Variants in ADSL observed in about 807,000 individuals in gnomAD.
ADSL encodes the protein adenylosuccinase.
In ADSL, 44 loss-of-function variants were observed where a neutral mutation model predicts 62.1. The observed-to-expected ratio is 0.71, with a 90% CI of 0.56 to 0.91. The LOEUF (loss-of-function observed/expected upper bound fraction) is 0.91, where lower values mean the gene tolerates loss of function less well. Among genes scored for constraint, ADSL ranks in the 40% least tolerant of loss-of-function variants. ADSL has a pLI of 0.00. For missense variants in ADSL, 531 were observed against 627.4 expected, an observed-to-expected ratio of 0.85 and a Z score of 1.64; for synonymous variants, 198 against 220.5, an observed-to-expected ratio of 0.90 and a Z score of 0.90.
chr22:40,347,566 A>T (rs182606086), intron 1 of ADSL, among the ~76,000 whole-genome samples: 3 of 152,314 alleles, frequency 2.0e-5, no homozygotes, highest in Admixed American at 2.0e-4. Context: ...CATGGAAACA[A>T]TTTGACTTCG....
chr22:40,373,165 C>T (rs1463728881), downstream of ADSL, among the ~76,000 whole-genome samples: 1 of 152,200 alleles, frequency 6.6e-6, no homozygotes, highest in Non-Finnish European at 1.5e-5. Context: ...TCACAGGTCA[C>T]TGTAAGTGAC....
rs963240005 is a variant in ADSL at position 40,362,741 on chromosome 22, T to G, written c.1011-240T>G. On this transcript the variant is annotated intron_variant, in intron 9 of 12. Coordinates refer to ENST00000623063, the MANE Select transcript of ADSL (RefSeq NM_000026.4). ...AAGTGGCTGAGTTCAGTTTGGGGAT[T>G]GAGGTACCCATAGATCAACCAGGTG... Among the ~76,000 whole-genome samples the G allele has an allele frequency of 5.3e-5, 8 of 152,222 alleles. No individual in the cohort carries two copies. The South Asian group carries it at 8.3e-4, about 16-fold the overall frequency.
chr22:40,359,044 A>C lies in ADSL; in HGVS notation c.654+9A>C. The C allele has an allele frequency of 6.2e-7, 1 of 1,614,032 alleles. No individual in the cohort carries two copies. Among genetic ancestry groups the C allele is most frequent in the Non-Finnish European group, 8.5e-7 (1 of 1,179,972 alleles). Reference sequence around the variant, plus strand: ...AGGGAGATGACCATAAGGTATTCTGAAAGTGACCTGCAGGACACAGAAACT... The same window carrying C: ...AGGGAGATGACCATAAGGTATTCTGCAAGTGACCTGCAGGACACAGAAACT... On this transcript the variant is annotated intron_variant, in intron 5 of 12. Transcript: ENST00000623063.
In ADSL at chr22:40,368,832, G is replaced by C. The variant is rs1036299061; in HGVS notation, c.*2310G>C. 5 of 152,250 alleles carry C rather than the reference G, an allele frequency of 3.3e-5. No homozygotes were observed. The highest frequency in any genetic ancestry group is 1.2e-4 in the African/African-American group (5 of 41,446). The allele number at this position is 152,250 out of a possible 1,614,324, so 9.4% of individuals were successfully genotyped here. ...CCAGCTACTTGGGAGGCTGAGACAGGAGAATTGCTTGAACCTGGGAGGCAG... is the reference window on the plus strand; with the variant it reads ...CCAGCTACTTGGGAGGCTGAGACAGCAGAATTGCTTGAACCTGGGAGGCAG... On this transcript the variant is annotated 3_prime_UTR_variant, in exon 13 of 13. Coordinates refer to ENST00000623063, the MANE Select transcript of ADSL (RefSeq NM_000026.4).
chr22:40,358,906 G>T lies in ADSL; in HGVS notation c.525G>T (p.Trp175Cys). 6.2e-7 allele frequency: 1 copy of T among 1,614,170 alleles called. No individual in the cohort carries two copies. Among genetic ancestry groups the T allele is most frequent in the Non-Finnish European group, 8.5e-7 (1 of 1,180,036 alleles). Residue 175 changes from tryptophan (W) to cysteine (C), a missense_variant, in exon 5 of 13, where the codon TGG becomes TGT. This residue lies in a region of ADSL where 471 missense variants were observed against 592.9 expected (regional missense o/e 0.79). Coordinates refer to ENST00000623063, the MANE Select transcript of ADSL (RefSeq NM_000026.4). ...CAGTTGGGAAACGTTGCTGTCTTTG[G>T]ATTCAGGATCTTTGCATGGATCTCC... Reference protein sequence around the residue: ...LTTVGKRCCLWIQDLCMDLQN... With the variant: ...LTTVGKRCCLCIQDLCMDLQN...
downstream of ADSL, among the ~76,000 whole-genome samples, chr22:40,371,858 G>T (rs575687235): frequency 6.6e-6 from 1 of 151,540 alleles, no homozygotes; most frequent in Non-Finnish European, 1.5e-5. Context: ...CACCACGCCC[G>T]GCTAATTTGT....
At chr22:40,360,113 AG>A (rs1353248108) in intron 6 of ADSL, among the ~76,000 whole-genome samples, 1 of 152,214 alleles carries the variant, frequency 6.6e-6, no homozygotes, top group African/African-American at 2.4e-5. Context: ...GTGGAAGAAT[AG>A]TTTATTCCAG....
rs2044406948 is a variant in ADSL, at chr22:40,352,987, C to G, written c.358-86C>G. 6.8e-6 allele frequency: 8 copies of G among 1,175,738 alleles called. No homozygotes were observed. The South Asian group carries it at 8.8e-5, about 13-fold the overall frequency. 72.8% of individuals were successfully genotyped at this position (1,175,738 alleles called of 1,614,324 possible). A position where few individuals can be genotyped will look rare whatever the true frequency, so the allele number is the denominator to read the frequency against. On this transcript the variant is annotated intron_variant, in intron 2 of 12. Coordinates refer to ENST00000623063, the MANE Select transcript of ADSL (RefSeq NM_000026.4). The stretch of plus-strand genomic sequence containing the variant: ...TGATATAGGCTGGTAGCTGAGCAAC[C>G]CAGCCTTTCTGGCCAAAAAGTGTTA...
chr22:40,365,113 T>C (rs1457616029), intron 12 of ADSL, 57 bp downstream of exon 12: 1 of 1,552,566 alleles, frequency 6.4e-7, no homozygotes, highest in Admixed American at 1.7e-5. Context: ...GTACTCTCTT[T>C]GATGTTTTTG....
intron 2 of ADSL, among the ~76,000 whole-genome samples, chr22:40,381,915 G>A (rs551267410): frequency 3.9e-5 from 6 of 152,268 alleles, no homozygotes; most frequent in East Asian, 3.9e-4. Context: ...GCCAAGATTC[G>A]CGCCACTGCA....
At chr22:40,348,789 G>A (rs149511728) in intron 1 of ADSL, 57 of 390,394 alleles carry the variant, frequency 1.5e-4, no homozygotes, top group African/African-American at 1.0e-3. Context: ...GATCCTTCCC[G>A]GAGTCACTGT....
At chr22:40,374,222 G>A (rs754214973), downstream of ADSL, among the ~76,000 whole-genome samples, 32 of 152,182 alleles carry the variant, frequency 2.1e-4, no homozygotes, top group Non-Finnish European at 3.2e-4. Context: ...AAAGTGCTGG[G>A]ATTACAGGTG....
At chr22:40,359,606 C>T (rs111317918) in intron 6 of ADSL, among the ~76,000 whole-genome samples, 275 of 150,774 alleles carry the variant, frequency 1.8e-3, no homozygotes, top group Middle Eastern at 3.4e-3. Flanking sequence ...GGTGTGATCT[C>T]GGCTCACGGC....
At chr22:40,359,227 G>GTTT in intron 5 of ADSL, 33 bp from the exon 6 acceptor site, 1 of 1,611,990 alleles carries the variant, frequency 6.2e-7, no homozygotes, top group Non-Finnish European at 8.5e-7. Context: ...TGGACACATG[G>GTTT]ATTATTATAA....
At chr22:40,377,295 T>C (rs1448758929) in intron 2 of ADSL, among the ~76,000 whole-genome samples, 1 of 152,234 alleles carries the variant, frequency 6.6e-6, no homozygotes, top group Non-Finnish European at 1.5e-5. Flanking sequence ...AATGACACAG[T>C]AACAAAAGTT....
intron 2 of ADSL, among the ~76,000 whole-genome samples, chr22:40,351,494 A>G (rs1165263410): frequency 6.6e-6 from 1 of 151,768 alleles, no homozygotes; most frequent in Non-Finnish European, 1.5e-5. Flanking sequence ...ATTTATAGGG[A>G]CAGTGTTTCA....
Position 40,360,426 on chromosome 22 carries a change from A to G in ADSL, c.726A>G (p.Thr242=). The change falls in exon 7 of 13, where the codon ACA becomes ACG. Residue 242 remains threonine, a synonymous_variant. Coordinates refer to ENST00000623063, the MANE Select transcript of ADSL (RefSeq NM_000026.4). Reference sequence around the variant, plus strand: ...GAGCTTTCATCATCACAGGGCAGACATATACACGAAAAGTGGATATTGAAG... The same window carrying G: ...GAGCTTTCATCATCACAGGGCAGACGTATACACGAAAAGTGGATATTGAAG... ...FKRAFIITGQ[T]YTRKVDIEVL... 3 of 1,613,852 alleles carry G rather than the reference A, an allele frequency of 1.9e-6. No homozygotes were observed. Among genetic ancestry groups the G allele is most frequent in the Non-Finnish European group, 1.7e-6 (2 of 1,179,938 alleles).
rs2045022265 is a variant in ADSL, at chr22:40,366,836, C to A, written c.*314C>A. 1 of 351,480 alleles carries A rather than the reference C, an allele frequency of 2.8e-6. No homozygotes were observed. The highest frequency in any genetic ancestry group is 2.1e-5 in the African/African-American group (1 of 47,306). 21.8% of individuals were successfully genotyped at this position (351,480 alleles called of 1,614,324 possible). On this transcript the variant is annotated 3_prime_UTR_variant, in exon 13 of 13. Coordinates refer to ENST00000623063, the MANE Select transcript of ADSL (RefSeq NM_000026.4). The stretch of plus-strand genomic sequence containing the variant: ...TTGCTTGTAAAGTAGCAAGAAATTT[C>A]TGGTCCTGTCTTCTAAAAGTGAATT...
At chr22:40,381,879 AG>A (rs2146807856) in intron 2 of ADSL, among the ~76,000 whole-genome samples, 1 of 152,318 alleles carries the variant, frequency 6.6e-6, no homozygotes, top group Admixed American at 6.5e-5. Context: ...GGATGGTTTG[AG>A]CCCAGGAGGC....
Sources: gnomAD v4.1 joint callset for allele counts (sites outside exome capture counted in the v4.1 genomes callset) on GRCh38, gnomAD v4.1.1 for gene constraint, gnomAD v4.1.1 regional missense constraint, MANE v1.5 for transcripts, NCBI Gene and HGNC (gene_info 2026-07-23, HGNC 2026-07-21) for gene names.